The following CADM1 variants were observed in gnomAD, a reference collection of about 807,000 sequenced individuals.
The protein encoded by CADM1 is TSLC-1.
Under a neutral mutation model 53.1 loss-of-function variants are expected in CADM1, and 15 were observed. The observed-to-expected ratio is 0.28, with a 90% CI of 0.19 to 0.44. The LOEUF is 0.44. Among genes scored for constraint, CADM1 ranks in the 20% least tolerant of loss-of-function variants. The pLI is 1.00. For missense variants in CADM1, 434 were observed against 611.3 expected, an observed-to-expected ratio of 0.71 and a Z score of 3.06; for synonymous variants, 281 against 243.0, an observed-to-expected ratio of 1.16 and a Z score of -1.45.
intron 1 of CADM1, among the ~76,000 whole-genome samples, chr11:115,292,743 G>A (rs1357249124): frequency 6.6e-6 from 1 of 152,208 alleles, no homozygotes; most frequent in Non-Finnish European, 1.5e-5. Context: ...TAGTTCAAAT[G>A]ACAGGCAGAT....
chr11:115,230,231 T>A (rs543044062), intron 4 of CADM1, among the ~76,000 whole-genome samples: 9 of 152,142 alleles, frequency 5.9e-5, no homozygotes, highest in Non-Finnish European at 1.2e-4. Context: ...AGATATAGAT[T>A]TCTATATCCT....
At chr11:115,447,569 A>AC (rs35376636) in intron 1 of CADM1, among the ~76,000 whole-genome samples, 152,202 of 152,256 alleles carry the variant, frequency 1, 76,074 homozygotes, top group Middle Eastern at 1. Flanking sequence ...TGCTGGAGGC[A>AC]CTGAAGCTTC....
chr11:115,436,610 T>G (rs1948189236), intron 1 of CADM1, among the ~76,000 whole-genome samples: 1 of 152,180 alleles, frequency 6.6e-6, no homozygotes, highest in Non-Finnish European at 1.5e-5. Context: ...ACAGGTTAGC[T>G]TCTCTCTCCC....
At chr11:115,377,321 C>T (rs1946464005) in intron 1 of CADM1, 1 of 152,116 alleles carries the variant, frequency 6.6e-6, no homozygotes, top group African/African-American at 2.4e-5. Flanking sequence ...AGGAAGGAAA[C>T]AGCAGAACGC....
intron 1 of CADM1, among the ~76,000 whole-genome samples, chr11:115,243,749 T>G (rs1185555920): frequency 1.3e-5 from 2 of 152,232 alleles, no homozygotes; most frequent in South Asian, 2.1e-4. Flanking sequence ...CAATTTGATG[T>G]GTAGCAGAAG....
chr11:115,276,390 T>C (rs1447464268), intron 1 of CADM1, among the ~76,000 whole-genome samples: 1 of 152,124 alleles, frequency 6.6e-6, no homozygotes, highest in African/African-American at 2.4e-5. Context: ...AGACAGCATA[T>C]GGGAGAAGGA....
intron 1 of CADM1, among the ~76,000 whole-genome samples, chr11:115,448,406 T>C (rs1300247568): frequency 3.3e-5 from 5 of 152,176 alleles, no homozygotes; most frequent in Non-Finnish European, 7.3e-5. Flanking sequence ...AACACACAGC[T>C]TAGAAAATTC....
intron 5 of CADM1, among the ~76,000 whole-genome samples, chr11:115,224,088 G>T (rs1332027500): frequency 6.6e-6 from 1 of 151,872 alleles, no homozygotes; most frequent in African/African-American, 2.4e-5. Context: ...TGAGGGAGAG[G>T]ATTTGACATA....
At chr11:115,207,898 C>G (rs3802857) in intron 8 of CADM1, among the ~76,000 whole-genome samples, 56,624 of 152,028 alleles carry the variant, frequency 0.37, 10,865 homozygotes, top group East Asian at 0.52. Context: ...CACAAGAGTA[C>G]GAGTCTAATT....
rs551680596 is a variant in CADM1 at position 115,337,506 on chromosome 11, C to T, written c.125-97086G>A. Among the ~76,000 whole-genome samples the T allele has an allele frequency of 5.3e-5, 8 of 152,148 alleles. No homozygotes were observed. The South Asian group carries it at 1.7e-3, about 32-fold the overall frequency. ...CTCCTTTCTGTGTATTGAGATCCTG[C>T]CTTCTATATTTCTATTTCTGCCCCA... is the stretch of plus-strand genomic sequence containing the variant. On this transcript the variant is annotated intron_variant, in intron 1 of 11. Coordinates refer to ENST00000331581, the MANE Select transcript of CADM1 (RefSeq NM_001301043.2).
chr11:115,458,534 C>T lies in CADM1; in HGVS notation c.124+45737G>A, dbSNP rs1051869306. On this transcript the variant is annotated intron_variant, in intron 1 of 11. Coordinates refer to ENST00000331581, the MANE Select transcript of CADM1 (RefSeq NM_001301043.2). ...ATTATTATTATTATTATTATTATTACATTATACCCTGCCCCTAGTCCATGC... is the reference window on the plus strand; with the variant it reads ...ATTATTATTATTATTATTATTATTATATTATACCCTGCCCCTAGTCCATGC... Among the ~76,000 whole-genome samples, 121 of 138,792 alleles carry T rather than the reference C, an allele frequency of 8.7e-4. 1 individual carries two copies. The Admixed American group carries it at 9.0e-3, about 10-fold the overall frequency. 91.1% of individuals were successfully genotyped at this position (138,792 alleles called of 152,430 possible).
chr11:115,257,306 T>C (rs1366582386), intron 1 of CADM1, among the ~76,000 whole-genome samples: 1 of 152,146 alleles, frequency 6.6e-6, no homozygotes. Context: ...AATCATGAAA[T>C]GATTAAAAAT....
chr11:115,357,896 G>A (rs1022692455), intron 1 of CADM1, among the ~76,000 whole-genome samples: 4 of 152,112 alleles, frequency 2.6e-5, no homozygotes, highest in African/African-American at 9.7e-5. Flanking sequence ...AAAAAAGTCT[G>A]TCTTTTGGGA....
intron 5 of CADM1, among the ~76,000 whole-genome samples, chr11:115,218,673 G>C (rs1026193081): frequency 1.3e-5 from 2 of 152,208 alleles, no homozygotes; most frequent in Non-Finnish European, 2.9e-5. Context: ...ATCACAGAGA[G>C]AGAGACAGCC....
chr11:115,311,154 A>T (rs2135162286), intron 1 of CADM1, among the ~76,000 whole-genome samples: 1 of 152,352 alleles, frequency 6.6e-6, no homozygotes, highest in African/African-American at 2.4e-5. Flanking sequence ...GTAATGAAAG[A>T]CACTATTTGA....
chr11:115,196,334 G>A (rs551360698), intron 9 of CADM1, among the ~76,000 whole-genome samples: 4 of 151,994 alleles, frequency 2.6e-5, no homozygotes, highest in Non-Finnish European at 4.4e-5. Context: ...TTCCTACTTC[G>A]AATAGCCTAT....
chr11:115,380,569 C>G (rs1289866970), intron 1 of CADM1, among the ~76,000 whole-genome samples: 3 of 152,138 alleles, frequency 2.0e-5, no homozygotes, highest in Non-Finnish European at 4.4e-5. Flanking sequence ...TATTCTCTAC[C>G]ACCAAAATAA....
intron 1 of CADM1, among the ~76,000 whole-genome samples, chr11:115,404,638 C>G (rs1947266633): frequency 1.3e-5 from 2 of 149,726 alleles, no homozygotes; most frequent in South Asian, 4.2e-4. Context: ...AAGCCATATA[C>G]TTAATTGCAT....
intron 1 of CADM1, among the ~76,000 whole-genome samples, chr11:115,245,514 C>A (rs1942379982): frequency 1.3e-5 from 2 of 152,144 alleles, no homozygotes; most frequent in Non-Finnish European, 2.9e-5. Context: ...GTCAATTATG[C>A]TCATTTCTGT....
Sources: gnomAD v4.1 joint callset for allele counts (sites outside exome capture counted in the v4.1 genomes callset) on GRCh38, gnomAD v4.1.1 for gene constraint, MANE v1.5 for transcripts, NCBI Gene and HGNC (gene_info 2026-07-23, HGNC 2026-07-21) for gene names.